The following MALRD1 variants were observed in gnomAD, a reference collection of about 807,000 sequenced individuals.
MALRD1 encodes the protein MAM and LDL-receptor class A domain-containing protein 1.
MALRD1 carries 247 observed loss-of-function variants against 242.1 expected under a neutral mutation model. The observed-to-expected ratio is 1.02, with a 90% CI of 0.92 to 1.13. The LOEUF is 1.13. Ranked by LOEUF, MALRD1 falls within the 50% of genes most tolerant of loss-of-function variation. MALRD1 has a pLI of 0.00. For missense variants in MALRD1, 2,989 were observed against 2,533.1 expected, an observed-to-expected ratio of 1.18 and a Z score of -3.86; for synonymous variants, 995 against 866.6, an observed-to-expected ratio of 1.15 and a Z score of -2.60.
At chr10:19,292,470 A>T (rs575316099) in intron 21 of MALRD1, among the ~76,000 whole-genome samples, 3 of 151,594 alleles carry the variant, frequency 2.0e-5, no homozygotes, top group East Asian at 3.9e-4. Context: ...ACCCAGATTT[A>T]AAAAAAAACA....
intron 18 of MALRD1, among the ~76,000 whole-genome samples, chr10:19,250,233 T>A (rs1839240253): frequency 6.6e-6 from 1 of 152,058 alleles, no homozygotes; most frequent in South Asian, 2.1e-4. Flanking sequence ...ATCTCATTTT[T>A]AAATAATAAA....
chr10:19,171,716 A>T (rs1193170960), intron 13 of MALRD1, among the ~76,000 whole-genome samples: 1 of 139,596 alleles, frequency 7.2e-6, no homozygotes, highest in Admixed American at 7.3e-5. Flanking sequence ...ATATACGTAT[A>T]TACACGTATA....
At chr10:19,163,028 C>G (rs142536118) in intron 12 of MALRD1, among the ~76,000 whole-genome samples, 1 of 146,018 alleles carries the variant, frequency 6.8e-6, no homozygotes, top group Non-Finnish European at 1.5e-5. Flanking sequence ...GTCCCAATTA[C>G]TGAGAAGGCT....
chr10:19,534,366 C>T (rs548087749), intron 32 of MALRD1, among the ~76,000 whole-genome samples: 1 of 152,100 alleles, frequency 6.6e-6, no homozygotes, highest in Non-Finnish European at 1.5e-5. Context: ...AAGTGGAAAC[C>T]CATTCTCCGT....
chr10:19,559,857 G>A (rs187165586), intron 32 of MALRD1, among the ~76,000 whole-genome samples: 2 of 152,216 alleles, frequency 1.3e-5, no homozygotes, highest in Non-Finnish European at 2.9e-5. Context: ...CTGAAAAGAA[G>A]ACATTTATGA....
chr10:19,435,167 T>G (rs2496085), intron 28 of MALRD1, among the ~76,000 whole-genome samples: 107,078 of 149,888 alleles, frequency 0.71, 38,365 homozygotes, highest in Non-Finnish European at 0.74. Flanking sequence ...TATTTATATA[T>G]AGAGAGAGCA....
chr10:19,105,207 A>G (rs1054427139), intron 5 of MALRD1, among the ~76,000 whole-genome samples: 1 of 151,906 alleles, frequency 6.6e-6, no homozygotes, highest in Non-Finnish European at 1.5e-5. Flanking sequence ...ACTATTCTAC[A>G]CTGTACTTCT....
chr10:19,648,297 G>T (rs10827738), intron 36 of MALRD1, among the ~76,000 whole-genome samples: 7,619 of 152,182 alleles, frequency 0.05, 239 homozygotes, highest in Middle Eastern at 0.095. Context: ...TAAAATCTGT[G>T]ACAAGATAAA....
At chr10:19,719,199 T>TATATATATACACATATATATATATAC (rs1554830393) in intron 38 of MALRD1, among the ~76,000 whole-genome samples, 2 of 31,686 alleles carry the variant, frequency 6.3e-5, no homozygotes, top group Admixed American at 4.3e-4. Context: ...TACATACATA[T>TATATATATACACATATATATATATAC]ATATATATAT....
At chr10:19,685,840 A>T (rs563209499) in intron 36 of MALRD1, among the ~76,000 whole-genome samples, 1 of 152,288 alleles carries the variant, frequency 6.6e-6, no homozygotes, top group East Asian at 1.9e-4. Flanking sequence ...TTCTTACTGG[A>T]CAAACTTACA....
intron 13 of MALRD1, among the ~76,000 whole-genome samples, chr10:19,171,390 C>T (rs1490440437): frequency 2.8e-5 from 4 of 145,412 alleles, no homozygotes; most frequent in Admixed American, 1.4e-4. Context: ...GACTGTAGTT[C>T]CGAAAGGGAA....
intron 30 of MALRD1, among the ~76,000 whole-genome samples, chr10:19,495,177 A>G (rs1450219142): frequency 6.6e-6 from 1 of 152,010 alleles, no homozygotes; most frequent in Non-Finnish European, 1.5e-5. Flanking sequence ...GGGTGTTGCC[A>G]TGTTGGCCAG....
chr10:19,340,127 G>A (rs972615894), intron 24 of MALRD1, among the ~76,000 whole-genome samples: 5 of 152,024 alleles, frequency 3.3e-5, no homozygotes, highest in African/African-American at 7.2e-5. Flanking sequence ...ATTTGGGTAC[G>A]GACAAAGAGC....
intron 33 of MALRD1, among the ~76,000 whole-genome samples, chr10:19,585,749 T>C (rs954057800): frequency 1.9e-3 from 283 of 152,304 alleles, no homozygotes; most frequent in Middle Eastern, 6.8e-3. Context: ...GTTCTCTGTA[T>C]TTCCTGAATC....
intron 31 of MALRD1, among the ~76,000 whole-genome samples, chr10:19,500,179 C>T (rs1332801281): frequency 6.6e-6 from 1 of 152,138 alleles, no homozygotes; most frequent in African/African-American, 2.4e-5. Context: ...TTGTCACCAG[C>T]TCTTCTTTTT....
chr10:19,565,347 G>C (rs904108575), intron 32 of MALRD1, among the ~76,000 whole-genome samples: 1 of 152,086 alleles, frequency 6.6e-6, no homozygotes, highest in East Asian at 1.9e-4. Context: ...AATAAAAATA[G>C]ACACATTAAT....
At chr10:19,264,450 CTTTTTCTTTTTTT>C (rs201020150) in intron 19 of MALRD1, among the ~76,000 whole-genome samples, 14,833 of 147,458 alleles carry the variant, frequency 0.1, 895 homozygotes, top group East Asian at 0.17. Flanking sequence ...TTCCTTTTTT[CTTTTTCTTTTTTT>C]TTTTTTTTGA....
At chr10:19,102,182 A>G (rs1836291348) in intron 4 of MALRD1, among the ~76,000 whole-genome samples, 1 of 148,802 alleles carries the variant, frequency 6.7e-6, no homozygotes, top group African/African-American at 2.5e-5. Context: ...TTGAAAAAAT[A>G]TCTTTTGAAT....
At chr10:19,348,477 A>T (rs1248613530) in intron 25 of MALRD1, among the ~76,000 whole-genome samples, 3 of 152,304 alleles carry the variant, frequency 2.0e-5, no homozygotes, top group Admixed American at 2.0e-4. Context: ...GTAAGTCTTC[A>T]TGAAAAACAA....
Sources: allele counts gnomAD v4.1 joint callset (sites outside exome capture counted in the v4.1 genomes callset), GRCh38; gene constraint gnomAD v4.1.1; transcripts MANE v1.5; gene names NCBI Gene and HGNC (gene_info 2026-07-23, HGNC 2026-07-21).